The following CTSW variants were observed in gnomAD, a reference collection of about 807,000 sequenced individuals.
The protein encoded by CTSW is cathepsin W.
CTSW carries 42 observed loss-of-function variants against 43.8 expected under a neutral mutation model. The ratio of observed to expected loss-of-function variants is 0.96; its 90% CI spans 0.75 to 1.24. The LOEUF (loss-of-function observed/expected upper bound fraction) is 1.24. Ranked by LOEUF, CTSW falls within the 50% of genes most tolerant of loss-of-function variation. The pLI is 0.00. For synonymous variants in CTSW, 191 were observed against 184.8 expected, an observed-to-expected ratio of 1.03 and a Z score of -0.27; for missense variants, 475 against 479.9, an observed-to-expected ratio of 0.99 and a Z score of 0.09.
chr11:65,880,077 T>A (rs937810662), intron 1 of CTSW, 125 bp from the exon 2 acceptor site: 13 of 1,202,288 alleles, frequency 1.1e-5, no homozygotes, highest in Non-Finnish European at 1.6e-5. Flanking sequence ...CAAGGGCACA[T>A]GGGAAGACAG....
chr11:65,883,735 A>C lies in CTSW; in HGVS notation c.*117A>C. 1 of 947,546 alleles carries C rather than the reference A, an allele frequency of 1.1e-6. No individual in the cohort carries two copies. Among genetic ancestry groups the C allele is most frequent in the Non-Finnish European group, 1.6e-6 (1 of 614,910 alleles). The allele number at this position is 947,546 out of a possible 1,614,324, so 58.7% of individuals were successfully genotyped here. On this transcript the variant is annotated 3_prime_UTR_variant, in exon 10 of 10. Coordinates refer to ENST00000307886, the MANE Select transcript of CTSW (RefSeq NM_001335.4). The stretch of plus-strand genomic sequence containing the variant: ...TACAGCCTGAATAAACCAAGACAAG[A>C]CCTCTGGCTTGTGAGCAGACTCTTC...
At position 65,882,534 on chromosome 11, in the gene CTSW, T is replaced by G; in HGVS notation, c.538+8T>G. 1.9e-6 allele frequency: 3 copies of G among 1,614,040 alleles called. No homozygotes were observed. The highest frequency in any genetic ancestry group is 2.5e-6 in the Non-Finnish European group (3 of 1,179,960). ...TGGATGTCTCCGTGCAGGGTAGGGT[T>G]GGGAGAGGGTGCGCGTGTGACAGGG... is the stretch of plus-strand genomic sequence containing the variant. On this transcript the variant is annotated splice_region_variant and intron_variant, in intron 5 of 9. Transcript: ENST00000307886.
Position 65,880,182 on chromosome 11 carries a change from C to A in CTSW, c.88-20C>A. ...GATTCCTCTGCCCACTGCCCCTCTC[C>A]ACCCTTGGTTCCTTGCCAGGACCTA... is the stretch of plus-strand genomic sequence containing the variant. On this transcript the variant is annotated intron_variant, in intron 1 of 9. Coordinates refer to ENST00000307886, the MANE Select transcript of CTSW (RefSeq NM_001335.4). 6.2e-7 allele frequency: 1 copy of A among 1,608,780 alleles called. No individual in the cohort carries two copies. Among genetic ancestry groups the A allele is most frequent in the Non-Finnish European group, 8.5e-7 (1 of 1,175,192 alleles).
chr11:65,880,664 G>A (rs645900), intron 2 of CTSW: 179,864 of 237,878 alleles, frequency 0.76, 69,713 homozygotes, highest in South Asian at 0.88. Context: ...TCAGGGTGGG[G>A]AACAGGCATG....
chr11:65,883,182 C>G, intron 8 of CTSW, 33 bp from the exon 9 acceptor site: 1 of 1,613,726 alleles, frequency 6.2e-7, no homozygotes, highest in Non-Finnish European at 8.5e-7. Context: ...GACTTGGCCC[C>G]ACACTCAGCC....
At chr11:65,883,021 G>T in intron 7 of CTSW, 48 bp from the exon 8 acceptor site, 1 of 1,613,424 alleles carries the variant, frequency 6.2e-7, no homozygotes, top group South Asian at 1.1e-5. Flanking sequence ...AGGAGCGAGA[G>T]ACCCACACAC....
At chr11:65,880,107 C>T in intron 1 of CTSW, 95 bp from the exon 2 acceptor site, 5 of 1,294,112 alleles carry the variant, frequency 3.9e-6, no homozygotes, top group South Asian at 2.5e-5. Flanking sequence ...ACTGGCTGAC[C>T]CCTAGCCCAG....
chr11:65,882,180 G>T lies in CTSW; in HGVS notation c.292G>T (p.Glu98Ter), dbSNP rs748789165. 7.1e-5 allele frequency: 114 copies of T among 1,614,030 alleles called. 1 individual carries two copies. The Admixed American group carries it at 1.9e-3, about 26-fold the overall frequency. The change falls in exon 4 of 10, where the codon GAG becomes TAG. Residue 98 changes from glutamate (E) to a stop codon, truncating the protein, a stop_gained. Coordinates refer to ENST00000307886, the MANE Select transcript of CTSW (RefSeq NM_001335.4). LOFTEE classifies it high-confidence loss of function. ...VTPFSDLTEE[E>*]FGQLYGYRRA... ...TGGCCCTGTCTGTTCCCCAGAGGAG[G>T]AGTTTGGCCAGCTCTATGGCTATCG... is the stretch of plus-strand genomic sequence containing the variant.
intron 2 of CTSW, 30 bp from the exon 3 acceptor site, chr11:65,881,377 T>G: frequency 6.7e-7 from 1 of 1,496,312 alleles, no homozygotes; most frequent in South Asian, 1.2e-5. Flanking sequence ...GGCTTGGGAG[T>G]CAGCCTAGGA....
rs201310333 is a variant in CTSW at position 65,882,903 on chromosome 11, C to T, written c.744C>T (p.His248=). 1 of 1,613,898 alleles carries T rather than the reference C, an allele frequency of 6.2e-7. No homozygotes were observed. ...TCATCATGCTGCAGAACAACGAGCA[C>T]AGTGCGGGCAGGGCAGGGACACGGG... ...QDFIMLQNNE[H]RIAQYLATYG... is the part of the protein sequence containing the mutation. Residue 248 remains histidine, a splice_region_variant and synonymous_variant, in exon 7 of 10, where the codon CAC becomes CAT. Coordinates refer to ENST00000307886, the MANE Select transcript of CTSW (RefSeq NM_001335.4).
Position 65,881,530 on chromosome 11 carries a change from A to G in CTSW, c.286+10A>G, listed in dbSNP as rs756330033. ...TTCAGTGACCTCACAGGTACCATTA[A>G]CCCTTCTGGCTCGTAGGTGGTGGTT... On this transcript the variant is annotated intron_variant, in intron 3 of 9. Coordinates refer to ENST00000307886, the MANE Select transcript of CTSW (RefSeq NM_001335.4). 13 of 1,579,530 alleles carry G rather than the reference A, an allele frequency of 8.2e-6. No homozygotes were observed. The East Asian group carries it at 2.5e-4, about 31-fold the overall frequency.
Position 65,883,005 on chromosome 11 carries a change from G to T in CTSW, c.746-64G>T, listed in dbSNP as rs1221988183. On this transcript the variant is annotated intron_variant, in intron 7 of 9. Coordinates refer to ENST00000307886, the MANE Select transcript of CTSW (RefSeq NM_001335.4). ...GCTAGAAGACAAGAGGGGGTGGGGG[G>T]AGCGAAGGAGCGAGAGACCCACACA... 58 of 1,612,018 alleles carry T rather than the reference G, an allele frequency of 3.6e-5. No homozygotes were observed. The East Asian group carries it at 1.2e-3, about 34-fold the overall frequency.
Position 65,883,123 on chromosome 11 carries a change from A to T in CTSW, c.800A>T (p.Lys267Met), listed in dbSNP as rs761085585. Residue 267 changes from lysine (K) to methionine (M), a missense_variant, in exon 8 of 10, where the codon AAG (lysine) becomes ATG (methionine). Coordinates refer to ENST00000307886, the MANE Select transcript of CTSW (RefSeq NM_001335.4). Reference sequence around the variant, plus strand: ...CCCATCACCGTGACCATCAACATGAAGCCCCTTCAGGTGAGATGGGGGAGC... The same window carrying T: ...CCCATCACCGTGACCATCAACATGATGCCCCTTCAGGTGAGATGGGGGAGC... ...YGPITVTINM[K>M]PLQLYRKGVI... 6.2e-7 allele frequency: 1 copy of T among 1,614,102 alleles called. No individual in the cohort carries two copies. The highest frequency in any genetic ancestry group is 1.1e-5 in the South Asian group (1 of 91,078).
Position 65,882,166 on chromosome 11 carries a change from G to C in CTSW, c.287-9G>C, listed in dbSNP as rs769657033. 3 of 1,613,782 alleles carry C rather than the reference G, an allele frequency of 1.9e-6. No individual in the cohort carries two copies. The East Asian group carries it at 6.7e-5, about 36-fold the overall frequency. On this transcript the variant is annotated splice_polypyrimidine_tract_variant and intron_variant, in intron 3 of 9. Transcript: ENST00000307886. Reference sequence around the variant, plus strand: ...AATGGAGACCTCAGTGGCCCTGTCTGTTCCCCAGAGGAGGAGTTTGGCCAG... The same window carrying C: ...AATGGAGACCTCAGTGGCCCTGTCTCTTCCCCAGAGGAGGAGTTTGGCCAG...
chr11:65,883,587 A>G lies in CTSW; in HGVS notation c.1100A>G (p.Asp367Gly). The change falls in exon 10 of 10, where the codon GAT becomes GGT. Residue 367 changes from aspartate to glycine, a missense_variant. Coordinates refer to ENST00000307886, the MANE Select transcript of CTSW (RefSeq NM_001335.4). ...CTCACTGCCCGTGTGCAGAAACCGG[A>G]TATGAAGCCCCGAGTCTCCTGCCCT... ...FPLTARVQKP[D>G]MKPRVSCPP is the part of the protein sequence containing the mutation. 1.2e-6 allele frequency: 2 copies of G among 1,613,996 alleles called. No homozygotes were observed. The highest frequency in any genetic ancestry group is 2.2e-5 in the East Asian group (1 of 44,884).
Position 65,882,280 on chromosome 11 carries a change from G to A in CTSW, c.392G>A (p.Ser131Asn). 1 of 1,614,176 alleles carries A rather than the reference G, an allele frequency of 6.2e-7. No individual in the cohort carries two copies. The highest frequency in any genetic ancestry group is 8.5e-7 in the Non-Finnish European group (1 of 1,180,014). The change falls in exon 4 of 10, where the codon AGC becomes AAC. Residue 131 changes from serine to asparagine, a missense_variant. By Grantham distance (46) the Ser-to-Asn change is conservative. Transcript: ENST00000307886. ...SEEPEESVPF[S>N]CDWRKVASAI... ...GAGCCAGAGGAGTCAGTACCTTTCA[G>A]CTGTGACTGGCGGAAGGTGGCCAGC...
intron 1 of CTSW, 96 bp from the exon 2 acceptor site, chr11:65,880,105 AC>A: frequency 7.9e-7 from 1 of 1,272,414 alleles, no homozygotes; most frequent in Non-Finnish European, 1.1e-6. Flanking sequence ...TAACTGGCTG[AC>A]CCCTAGCCCA....
Position 65,883,223 on chromosome 11 carries a change from GA to G in CTSW, c.822del (p.Gly275ValfsTer2). 1 of 1,613,656 alleles carries G rather than the reference GA, an allele frequency of 6.2e-7. No homozygotes were observed. Among genetic ancestry groups the G allele is most frequent in the Non-Finnish European group, 8.5e-7 (1 of 1,179,846 alleles). On this transcript the variant is annotated frameshift_variant, in exon 9 of 10. Transcript: ENST00000307886. LOFTEE classifies it high-confidence loss of function. ...INMKPLQLYR[K>X]GVIKATPTTC... Reference sequence around the variant, plus strand: ...GCCCCCACCCCCTGCAGCTATACCGGAAAGGTGTGATCAAGGCCACACCCAC... The same window carrying G: ...GCCCCCACCCCCTGCAGCTATACCGGAAGGTGTGATCAAGGCCACACCCAC...
chr11:65,881,495 G>T lies in CTSW; in HGVS notation c.261G>T (p.Gly87=). Residue 87 remains glycine, a synonymous_variant, in exon 3 of 10, where the codon GGG becomes GGT. Transcript: ENST00000307886. ...QEEDLGTAEF[G]VTPFSDLTEE... ...AGGACTTGGGCACAGCTGAGTTTGGGGTGACTCCATTCAGTGACCTCACAG... is the reference window on the plus strand; with the variant it reads ...AGGACTTGGGCACAGCTGAGTTTGGTGTGACTCCATTCAGTGACCTCACAG... The T allele has an allele frequency of 6.2e-7, 1 of 1,609,894 alleles. No homozygotes were observed. Among genetic ancestry groups the T allele is most frequent in the Non-Finnish European group, 8.5e-7 (1 of 1,177,746 alleles).
Sources: gnomAD v4.1 joint callset for allele counts on GRCh38, gnomAD v4.1.1 for gene constraint, MANE v1.5 for transcripts, NCBI Gene and HGNC (gene_info 2026-07-23, HGNC 2026-07-21) for gene names.